The following RNF25 variants were observed in gnomAD, a reference collection of about 807,000 sequenced individuals.
RNF25 encodes the protein ring finger protein 25.
RNF25 carries 32 observed loss-of-function variants against 65.0 expected under a neutral mutation model. The ratio of observed to expected loss-of-function variants is 0.49; its 90% CI spans 0.37 to 0.66. RNF25 has a LOEUF of 0.66. Among genes scored for constraint, RNF25 ranks in the 30% least tolerant of loss-of-function variants. RNF25 has a pLI of 0.00. For missense variants in RNF25, 493 were observed against 584.8 expected, an observed-to-expected ratio of 0.84 and a Z score of 1.62; for synonymous variants, 207 against 221.2, an observed-to-expected ratio of 0.94 and a Z score of 0.57.
At chr2:218,668,040 T>C in intron 4 of RNF25, 39 bp downstream of exon 4, 1 of 1,613,092 alleles carries the variant, frequency 6.2e-7, no homozygotes, top group Non-Finnish European at 8.5e-7. Flanking sequence ...CGGGCAAAGC[T>C]GTAGCTGAGT....
rs747467602 is a variant in RNF25, at chr2:218,664,711, C to T, written c.801+28G>A. Reference sequence around the variant, plus strand: ...GTTTGTAGAAAGGTTGGTGGCATTACAGGACAACTGGGAAGCCCTTCCCTC... The same window carrying T: ...GTTTGTAGAAAGGTTGGTGGCATTATAGGACAACTGGGAAGCCCTTCCCTC... On this transcript the variant is annotated intron_variant, in intron 9 of 9. Transcript: ENST00000295704. This position sits in a 1 kb window ranked among gnomAD's most constrained non-coding sequence, Gnocchi z 5.1. The T allele has an allele frequency of 6.2e-7, 1 of 1,613,766 alleles. No homozygotes were observed. The highest frequency in any genetic ancestry group is 8.5e-7 in the Non-Finnish European group (1 of 1,179,786).
rs752598646 is a variant in RNF25 at position 218,666,240 on chromosome 2, G to C, written c.358-10C>G. ...GAATTTCCTTCCCTTTCTGAGGAGA[G>C]AAGACACTGATTAAACGGGGGTAGG... On this transcript the variant is annotated splice_polypyrimidine_tract_variant and intron_variant, in intron 5 of 9. Coordinates refer to ENST00000295704, the MANE Select transcript of RNF25 (RefSeq NM_022453.3). 1.2e-6 allele frequency: 2 copies of C among 1,609,602 alleles called. No homozygotes were observed. Among genetic ancestry groups the C allele is most frequent in the African/African-American group, 1.3e-5 (1 of 74,948 alleles).
intron 1 of RNF25, among the ~76,000 whole-genome samples, chr2:218,670,911 G>T (rs1939948838): frequency 6.6e-6 from 1 of 152,016 alleles, no homozygotes; most frequent in African/African-American, 2.4e-5. Context: ...GGTGGCTCAC[G>T]CCTGTAATTC....
intron 7 of RNF25, 129 bp from the exon 8 acceptor site, chr2:218,665,376 G>T: frequency 1.4e-6 from 1 of 732,186 alleles, no homozygotes; most frequent in Non-Finnish European, 2.3e-6. Context: ...GCAGTGAGTT[G>T]GGACAGAGCA....
chr2:218,667,844 C>A, intron 5 of RNF25, 68 bp downstream of exon 5: 1 of 1,441,512 alleles, frequency 6.9e-7, no homozygotes, highest in Non-Finnish European at 9.6e-7. Flanking sequence ...CCCATGGTTT[C>A]CCTTTTACAG....
In RNF25 at chr2:218,668,676, G is replaced by T; in HGVS notation, c.45C>A (p.Val15=). 6.2e-7 allele frequency: 1 copy of T among 1,605,354 alleles called. No individual in the cohort carries two copies. The highest frequency in any genetic ancestry group is 8.5e-7 in the Non-Finnish European group (1 of 1,172,514). ...ASAAAGEEDW[V]LPSEVEVLES... ...CCAATACTTCAACTTCAGAGGGAAG[G>T]ACCCTAGAGAGACAGGAGTAGACTA... Residue 15 remains valine (V), a synonymous_variant, in exon 2 of 10, where the codon GTC becomes GTA. Coordinates refer to ENST00000295704, the MANE Select transcript of RNF25 (RefSeq NM_022453.3).
At position 218,664,847 on chromosome 2, in the gene RNF25, G is replaced by A. The variant is rs1353337418; in HGVS notation, c.693C>T (p.Ser231=). 6.2e-7 allele frequency: 1 copy of A among 1,614,160 alleles called. No homozygotes were observed. Among genetic ancestry groups the A allele is most frequent in the Non-Finnish European group, 8.5e-7 (1 of 1,180,054 alleles). ...GCTTGCGTTCTTCTTGCTGGCGCAA[G>A]CTCTCTGCACTGGGCTGGTACAGCT... ...PMELYQPSAE[S]LRQQEERKRL... is the part of the protein sequence containing the mutation. The change falls in exon 9 of 10, where the codon AGC becomes AGT. Residue 231 remains serine (S), a synonymous_variant. Transcript: ENST00000295704. The surrounding 1 kb of genome is among the most constrained non-coding windows in gnomAD (Gnocchi z 5.1).
Position 218,668,505 on chromosome 2 carries a change from T to C in RNF25, c.116+100A>G, listed in dbSNP as rs2106337103. The C allele has an allele frequency of 2.9e-6, 3 of 1,019,006 alleles. 1 individual carries two copies. The South Asian group carries it at 3.9e-5, about 13-fold the overall frequency. The allele number at this position is 1,019,006 out of a possible 1,614,324, so 63.1% of individuals were successfully genotyped here. A position where few individuals can be genotyped will look rare whatever the true frequency, so the allele number is the denominator to read the frequency against. On this transcript the variant is annotated intron_variant, in intron 2 of 9. Transcript: ENST00000295704. ...TTTTGTCTACACAAGAGAAATATTA[T>C]CTCTGAATCAAGGCTCACAATGTCT...
intron 1 of RNF25, among the ~76,000 whole-genome samples, chr2:218,669,663 CT>C (rs1428771738): frequency 1.3e-5 from 2 of 152,236 alleles, no homozygotes; most frequent in African/African-American, 4.8e-5. Flanking sequence ...GTCTACAGCT[CT>C]ACCAAGTGAT....
chr2:218,667,063 G>C (rs1038688213), intron 5 of RNF25, among the ~76,000 whole-genome samples: 1 of 151,726 alleles, frequency 6.6e-6, no homozygotes, highest in African/African-American at 2.4e-5. Flanking sequence ...AGCTATCTGG[G>C]AGGCTGAGGC....
rs1939753729 is a variant in RNF25 at position 218,663,999 on chromosome 2, A to C, written c.1338T>G (p.Thr446=). 5 of 1,466,204 alleles carry C rather than the reference A, an allele frequency of 3.4e-6. No individual in the cohort carries two copies. Among genetic ancestry groups the C allele is most frequent in the Non-Finnish European group, 4.5e-6 (5 of 1,107,726 alleles). 90.8% of individuals were successfully genotyped at this position (1,466,204 alleles called of 1,614,324 possible). ...PRGQGAYRPG[T]RRESLGLESK... is the part of the protein sequence containing the mutation. ...ATTCCAGGCCCAGGGACTCCCTCCG[A>C]GTACCAGGCCGGTATGCTCCCTGGC... The change falls in exon 10 of 10, where the codon ACT becomes ACG. Residue 446 remains threonine, a synonymous_variant. Transcript: ENST00000295704.
rs1289568838 is a variant in RNF25 at position 218,664,424 on chromosome 2, G to A, written c.913C>T (p.Pro305Ser). 2 of 1,614,216 alleles carry A rather than the reference G, an allele frequency of 1.2e-6. No homozygotes were observed. The highest frequency in any genetic ancestry group is 3.3e-5 in the Admixed American group (2 of 60,032). Residue 305 changes from proline (P) to serine (S), a missense_variant, in exon 10 of 10, where the codon CCA (proline) becomes TCA (serine). Coordinates refer to ENST00000295704, the MANE Select transcript of RNF25 (RefSeq NM_022453.3). This position sits in a 1 kb window ranked among gnomAD's most constrained non-coding sequence, Gnocchi z 5.1. Reference protein sequence around the residue: ...STSPAVQSTLPPPLPVATQHI... With the variant: ...STSPAVQSTLSPPLPVATQHI... ...TGGGTCGCCACAGGCAGAGGAGGTG[G>A]CAAAGTGGATTGGACGGCTGGTGAG...
At chr2:218,666,288 T>A in intron 5 of RNF25, 58 bp from the exon 6 acceptor site, 3 of 1,362,874 alleles carry the variant, frequency 2.2e-6, no homozygotes, top group African/African-American at 1.4e-5. Context: ...GAGCAAGGCC[T>A]GTCTACTACT....
In RNF25 at chr2:218,665,170, T is replaced by C. The variant is rs763819571; in HGVS notation, c.651A>G (p.Glu217=). The change falls in exon 8 of 10, where the codon GAA becomes GAG. Residue 217 remains glutamate (E), a synonymous_variant. Coordinates refer to ENST00000295704, the MANE Select transcript of RNF25 (RefSeq NM_022453.3). ...GTCTCCTTACCATGGGCTGTTGGGGTTCAGGGGCTGCTTTCAGTGAGGCAA... is the reference window on the plus strand; with the variant it reads ...GTCTCCTTACCATGGGCTGTTGGGGCTCAGGGGCTGCTTTCAGTGAGGCAA... The part of the protein sequence containing the change: ...YDLASLKAAP[E]PQQPMELYQP... 3 of 1,614,106 alleles carry C rather than the reference T, an allele frequency of 1.9e-6. No homozygotes were observed. In the South Asian group the frequency reaches 3.3e-5, roughly 18 times the overall value.
chr2:218,668,731 C>A (rs756482121), intron 1 of RNF25, 52 bp from the exon 2 acceptor site: 3 of 1,262,654 alleles, frequency 2.4e-6, no homozygotes, highest in African/African-American at 1.5e-5. Context: ...CCTGTGGAAG[C>A]CTGCTAAGGC....
intron 1 of RNF25, 41 bp from the exon 2 acceptor site, chr2:218,668,720 C>A (rs756760608): frequency 5.6e-6 from 8 of 1,417,786 alleles, no homozygotes; most frequent in Non-Finnish European, 8.0e-6. Flanking sequence ...TTACAGCTCT[C>A]CCTGTGGAAG....
rs1156483666 is a variant in RNF25, at chr2:218,664,980, G to GA, written c.667-108_667-107insT. On this transcript the variant is annotated intron_variant, in intron 8 of 9. Transcript: ENST00000295704. The surrounding 1 kb of genome is among the most constrained non-coding windows in gnomAD (Gnocchi z 5.1). ...AGATCTGCACTGGTTTTGCCCCTCA[G>GA]GTCTGGGCTCCCAGAGTCTTAGGCT... is the stretch of plus-strand genomic sequence containing the variant. 4 of 1,522,980 alleles carry GA rather than the reference G, an allele frequency of 2.6e-6. No homozygotes were observed. The highest frequency in any genetic ancestry group is 3.6e-6 in the Non-Finnish European group (4 of 1,122,090). 94.3% of individuals were successfully genotyped at this position (1,522,980 alleles called of 1,614,324 possible).
chr2:218,668,497 A>G, intron 2 of RNF25, 108 bp downstream of exon 2: 1 of 1,006,998 alleles, frequency 9.9e-7, no homozygotes, highest in East Asian at 2.4e-5. Context: ...TACACAAGAG[A>G]AATATTATCT....
Position 218,664,102 on chromosome 2 carries a change from C to T in RNF25, c.1235G>A (p.Arg412His), listed in dbSNP as rs761674789. 35 of 1,522,798 alleles carry T rather than the reference C, an allele frequency of 2.3e-5. No homozygotes were observed. In the Admixed American group the frequency reaches 3.4e-4, roughly 15 times the overall value. 94.3% of individuals were successfully genotyped at this position (1,522,798 alleles called of 1,614,324 possible). A position where few individuals can be genotyped will look rare whatever the true frequency, so the allele number is the denominator to read the frequency against. ...GPGSWQGPPP[R>H]RTRDCVRWER... ...CCAGCGAACACAGTCCCGAGTCCTG[C>T]GGGGTGGGGGCCCCTGCCAGCTGCC... The change falls in exon 10 of 10, where the codon CGC becomes CAC. Residue 412 changes from arginine to histidine, a missense_variant. By Grantham distance (29) the Arg-to-His change is conservative (BLOSUM62 0). Coordinates refer to ENST00000295704, the MANE Select transcript of RNF25 (RefSeq NM_022453.3). The surrounding 1 kb of genome is among the most constrained non-coding windows in gnomAD (Gnocchi z 5.1).
Sources: gnomAD v4.1 joint callset for allele counts (sites outside exome capture counted in the v4.1 genomes callset) on GRCh38, gnomAD v4.1.1 for gene constraint, Gnocchi (gnomAD v3.1) non-coding constraint, MANE v1.5 for transcripts, NCBI Gene and HGNC (gene_info 2026-07-23, HGNC 2026-07-21) for gene names.